Variants in ACACB observed in about 807,000 individuals in gnomAD.
The protein encoded by ACACB is acetyl-CoA carboxylase beta.
A neutral mutation model predicts 278.8 loss-of-function variants in ACACB; 209 were observed. The ratio of observed to expected loss-of-function variants is 0.75; its 90% CI spans 0.67 to 0.84. ACACB has a LOEUF of 0.84. Ranked by LOEUF, ACACB falls within the 40% of genes least tolerant of loss-of-function variation. The probability of loss-of-function intolerance (pLI) is 0.00; values close to 1 mark genes in which losing one functional copy is unlikely to be tolerated. For missense variants in ACACB, 2,850 were observed against 3,269.0 expected (o/e 0.87, Z 3.13); for synonymous variants, 1,174 against 1,285.6 (o/e 0.91, Z 1.86).
In ACACB at chr12:109,175,963, C is replaced by A; in HGVS notation, c.1249C>A (p.Gln417Lys). 2 of 1,614,052 alleles carry A rather than the reference C, an allele frequency of 1.2e-6. No homozygotes were observed. Among genetic ancestry groups the A allele is most frequent in the East Asian group, 4.5e-5 (2 of 44,874 alleles). Reference protein sequence around the residue: ...LTVEWTEDDLQQGKRISVPED... With the variant: ...LTVEWTEDDLKQGKRISVPED... ...AGTGGAGTGGACAGAAGATGATCTG[C>A]AGCAGGGAAAAAGAATCAGTGTCCC... is the stretch of plus-strand genomic sequence containing the variant. The change falls in exon 8 of 53, where the codon CAG (glutamine) becomes AAG (lysine). Residue 417 changes from glutamine to lysine, a missense_variant. By Grantham distance (53) the Gln-to-Lys change is moderately conservative. Coordinates refer to ENST00000338432, the MANE Select transcript of ACACB (RefSeq NM_001093.4).
chr12:109,169,307 C>G (rs2044028388), intron 4 of ACACB, among the ~76,000 whole-genome samples: 1 of 152,122 alleles, frequency 6.6e-6, no homozygotes, highest in Non-Finnish European at 1.5e-5. Context: ...ACAGACATGG[C>G]CTCATTTGTT....
chr12:109,221,162 T>C (rs768357050), intron 24 of ACACB, among the ~76,000 whole-genome samples: 2 of 152,208 alleles, frequency 1.3e-5, no homozygotes, highest in Non-Finnish European at 2.9e-5. Flanking sequence ...TCAGCATTGA[T>C]GTTCCTGTGT....
At chr12:109,248,667 G>A (rs1458551912) in intron 40 of ACACB, among the ~76,000 whole-genome samples, 1 of 152,212 alleles carries the variant, frequency 6.6e-6, no homozygotes, top group Non-Finnish European at 1.5e-5. Flanking sequence ...CGCGCTGGCA[G>A]CTGGATGACT....
intron 21 of ACACB, among the ~76,000 whole-genome samples, chr12:109,211,652 G>A (rs560272183): frequency 3.3e-5 from 5 of 152,320 alleles, no homozygotes; most frequent in African/African-American, 9.6e-5. Flanking sequence ...GGAAAATGGA[G>A]AGTGAGCGCT....
At chr12:109,135,106 G>A (rs949460617) in intron 1 of ACACB, among the ~76,000 whole-genome samples, 5 of 151,964 alleles carry the variant, frequency 3.3e-5, no homozygotes, top group Admixed American at 1.3e-4. Context: ...TTTCCACAAC[G>A]GCTACAACAT....
chr12:109,192,690 TCCAGGCTATCAC>T (rs892669696), intron 15 of ACACB, among the ~76,000 whole-genome samples: 1 of 151,926 alleles, frequency 6.6e-6, no homozygotes, highest in Non-Finnish European at 1.5e-5. Flanking sequence ...TGCTCTGTCA[TCCAGGCTATCAC>T]CCAGGCTAGA....
chr12:109,264,300 C>CTGCT lies in ACACB; in HGVS notation c.6857_6860dup (p.Pro2288AlafsTer16). ...CCGGCTAAAGGCTCGCGAGGACCTG[C>CTGCT]TGCTCCCCATCTACCACCAGGTGGC... On this transcript the variant is annotated frameshift_variant, in exon 50 of 53. Coordinates refer to ENST00000338432, the MANE Select transcript of ACACB (RefSeq NM_001093.4). LOFTEE classifies it high-confidence loss of function. 1 of 1,614,168 alleles carries CTGCT rather than the reference C, an allele frequency of 6.2e-7. No homozygotes were observed. Among genetic ancestry groups the CTGCT allele is most frequent in the Non-Finnish European group, 8.5e-7 (1 of 1,180,028 alleles).
intron 21 of ACACB, among the ~76,000 whole-genome samples, chr12:109,211,494 C>T (rs555167682): frequency 3.9e-5 from 6 of 152,154 alleles, no homozygotes; most frequent in Non-Finnish European, 5.9e-5. Flanking sequence ...CTCAGGTGAT[C>T]TGCCTGCCTC....
intron 22 of ACACB, among the ~76,000 whole-genome samples, chr12:109,213,364 T>C (rs888669802): frequency 6.6e-6 from 1 of 152,048 alleles, no homozygotes; most frequent in African/African-American, 2.4e-5. Flanking sequence ...ATGTCTGGCC[T>C]ATAAATGTAT....
At position 109,222,533 on chromosome 12, in the gene ACACB, C is replaced by T. The variant is rs573334713; in HGVS notation, c.3591C>T (p.Ser1197=). 1.9e-6 allele frequency: 3 copies of T among 1,614,196 alleles called. No individual in the cohort carries two copies. Among genetic ancestry groups the T allele is most frequent in the East Asian group, 2.2e-5 (1 of 44,872 alleles). ...LIDELCGPDP[S]LSDELISILN... ...ATGAGCTGTGTGGCCCAGACCCTTCCCTGTCGGACGAGCTGATCTCCATCC... is the reference window on the plus strand; with the variant it reads ...ATGAGCTGTGTGGCCCAGACCCTTCTCTGTCGGACGAGCTGATCTCCATCC... Residue 1197 remains serine (S), a synonymous_variant, in exon 25 of 53, where the codon TCC becomes TCT. Transcript: ENST00000338432.
At chr12:109,157,546 C>CA (rs1270262599) in intron 2 of ACACB, among the ~76,000 whole-genome samples, 23 of 152,308 alleles carry the variant, frequency 1.5e-4, no homozygotes, top group African/African-American at 5.3e-4. Flanking sequence ...GCTGGGATTA[C>CA]AGGCATGAGC....
intron 2 of ACACB, among the ~76,000 whole-genome samples, chr12:109,161,735 GTGTA>G (rs374504256): frequency 0.012 from 1,803 of 151,156 alleles, 37 homozygotes; most frequent in African/African-American, 0.042. Flanking sequence ...ATTCTTTTGT[GTGTA>G]TGTGTGTGTG....
rs1307296410 is a variant in ACACB at position 109,139,780 on chromosome 12, G to A, written c.375G>A (p.Leu125=). The change falls in exon 2 of 53, where the codon CTG becomes CTA. Residue 125 remains leucine (L), a synonymous_variant. Transcript: ENST00000338432. The part of the protein sequence containing the change: ...LQANGTGTQG[L]EATDTNGLSS... The stretch of plus-strand genomic sequence containing the variant: ...CCAACGGGACTGGGACACAAGGTCT[G>A]GAGGCCACAGATACCAATGGCCTGT... 4 of 1,614,104 alleles carry A rather than the reference G, an allele frequency of 2.5e-6. No individual in the cohort carries two copies. In the Admixed American group the frequency reaches 6.7e-5, roughly 27 times the overall value.
chr12:109,186,352 TG>T (rs1273738029), intron 12 of ACACB, among the ~76,000 whole-genome samples: 2 of 152,166 alleles, frequency 1.3e-5, no homozygotes, highest in Non-Finnish European at 2.9e-5. Flanking sequence ...GCAAAGAGCC[TG>T]GGGTAACTTG....
intron 44 of ACACB, among the ~76,000 whole-genome samples, chr12:109,254,707 C>T (rs2047179846): frequency 6.6e-6 from 1 of 151,802 alleles, no homozygotes. Context: ...GAGAAGACTG[C>T]ATCTTTCTCT....
intron 41 of ACACB, among the ~76,000 whole-genome samples, chr12:109,251,711 T>G (rs2136757041): frequency 6.6e-6 from 1 of 152,320 alleles, no homozygotes; most frequent in African/African-American, 2.4e-5. Context: ...CACTCCTAGG[T>G]GTCCTTTTGG....
At chr12:109,238,445 CAT>C (rs201149272) in intron 34 of ACACB, among the ~76,000 whole-genome samples, 5,476 of 121,428 alleles carry the variant, frequency 0.045, 156 homozygotes, top group Non-Finnish European at 0.068. Context: ...TATAATATAA[CAT>C]ATAATATACA....
intron 1 of ACACB, among the ~76,000 whole-genome samples, chr12:109,125,109 C>CT (rs750252430): frequency 7.2e-4 from 110 of 152,252 alleles, no homozygotes; most frequent in South Asian, 3.7e-3. Context: ...TGATTATGTC[C>CT]TTTTTTTGTG....
intron 30 of ACACB, 39 bp from the exon 31 acceptor site, chr12:109,233,899 C>G: frequency 6.2e-7 from 1 of 1,613,298 alleles, no homozygotes; most frequent in South Asian, 1.1e-5. Context: ...GCCGTGGCCC[C>G]CAGGCTTTCC....
Sources: gnomAD v4.1 joint callset for allele counts (sites outside exome capture counted in the v4.1 genomes callset) on GRCh38, gnomAD v4.1.1 for gene constraint, MANE v1.5 for transcripts, NCBI Gene and HGNC (gene_info 2026-07-23, HGNC 2026-07-21) for gene names.